The following GPHN variants were observed in gnomAD, a reference collection of about 807,000 sequenced individuals.
GPHN encodes gephyrin.
GPHN carries 17 observed loss-of-function variants against 95.5 expected under a neutral mutation model. That is an observed-to-expected ratio of 0.18 (90% CI 0.12 to 0.27). The LOEUF (loss-of-function observed/expected upper bound fraction) is 0.27, where lower values mean the gene tolerates loss of function less well. Ranked by LOEUF, GPHN falls within the 10% of genes least tolerant of loss-of-function variation. The pLI, the probability that GPHN is intolerant of heterozygous loss-of-function variation, is 1.00. For synonymous variants in GPHN, 320 were observed against 322.5 expected, an observed-to-expected ratio of 0.99 and a Z score of 0.08; for missense variants, 660 against 978.1, an observed-to-expected ratio of 0.67 and a Z score of 4.34.
chr14:67,521,502 T>C, the GPHN span, among the ~76,000 whole-genome samples: 1 of 152,196 alleles, frequency 6.6e-6, no homozygotes, highest in South Asian at 2.1e-4. Context: ...CATAGAAGTC[T>C]TAAAATAAAG....
At chr14:67,231,588 A>C in the GPHN span, among the ~76,000 whole-genome samples, 85 of 152,236 alleles carry the variant, frequency 5.6e-4, no homozygotes, top group Non-Finnish European at 7.6e-4. Flanking sequence ...TAAATATTCT[A>C]TCTCCTGATT....
chr14:66,709,561 A>G (rs966340407), intron 2 of GPHN: 1 of 362,466 alleles, frequency 2.8e-6, no homozygotes, highest in African/African-American at 2.1e-5. Context: ...AAATTTCATC[A>G]TACTCCTCAG....
the GPHN span, among the ~76,000 whole-genome samples, chr14:67,701,177 G>A: frequency 1.2e-4 from 19 of 152,014 alleles, no homozygotes; most frequent in Admixed American, 5.2e-4. Flanking sequence ...CATGTGCAGC[G>A]AGGTATAGCA....
chr14:67,650,641 T>C, the GPHN span: 1 of 1,387,492 alleles, frequency 7.2e-7, no homozygotes, highest in Non-Finnish European at 1.0e-6. Flanking sequence ...TTGTTCTCCC[T>C]GTCCCAGTGG....
chr14:67,178,080 A>G (rs1187645140), intron 21 of GPHN, among the ~76,000 whole-genome samples: 2 of 152,134 alleles, frequency 1.3e-5, no homozygotes, highest in Non-Finnish European at 2.9e-5. Context: ...TAATATTGTT[A>G]TGTGTGAATT....
At chr14:66,771,455 C>T (rs1327062166) in intron 2 of GPHN, among the ~76,000 whole-genome samples, 1 of 152,090 alleles carries the variant, frequency 6.6e-6, no homozygotes, top group Admixed American at 6.5e-5. Flanking sequence ...AGAACTCGCT[C>T]GACCAGTTAC....
the GPHN span, among the ~76,000 whole-genome samples, chr14:67,272,718 G>T: frequency 1.9e-4 from 29 of 152,262 alleles, 2 homozygotes; most frequent in African/African-American, 6.5e-4. Flanking sequence ...GAGCGCAGTG[G>T]CACGATCTTG....
chr14:67,417,978 G>A, the GPHN span, among the ~76,000 whole-genome samples: 29 of 152,010 alleles, frequency 1.9e-4, no homozygotes, highest in Non-Finnish European at 1.9e-4. Flanking sequence ...ACTCCTGGGC[G>A]CAAGTGATCC....
the GPHN span, chr14:67,392,871 C>A: frequency 1.3e-6 from 2 of 1,590,568 alleles, no homozygotes; most frequent in South Asian, 2.3e-5. Context: ...CAGCACCAGT[C>A]AGGCGATGGG....
At chr14:67,609,259 CAG>C in the GPHN span, among the ~76,000 whole-genome samples, 7 of 152,138 alleles carry the variant, frequency 4.6e-5, no homozygotes, top group African/African-American at 9.7e-5. Context: ...TCACAGAACT[CAG>C]GGGAATACTT....
At chr14:66,586,335 G>T (rs1476450805) in intron 1 of GPHN, among the ~76,000 whole-genome samples, 7 of 152,098 alleles carry the variant, frequency 4.6e-5, no homozygotes, top group Non-Finnish European at 8.8e-5. Context: ...TCTTGACTCT[G>T]TATCCAGTTT....
At chr14:67,645,559 T>C in the GPHN span, 1 of 1,480,902 alleles carries the variant, frequency 6.8e-7, no homozygotes, top group Non-Finnish European at 9.2e-7. Context: ...GTGGAGAGAG[T>C]ATAAGTTGTT....
the GPHN span, among the ~76,000 whole-genome samples, chr14:67,356,244 A>AC: frequency 6.6e-6 from 1 of 151,980 alleles, no homozygotes; most frequent in South Asian, 2.1e-4. Context: ...ACATAGTGAA[A>AC]CCCCATCTCT....
At chr14:67,085,266 A>G (rs1335645034) in intron 11 of GPHN, among the ~76,000 whole-genome samples, 1 of 152,256 alleles carries the variant, frequency 6.6e-6, no homozygotes, top group Non-Finnish European at 1.5e-5. Context: ...GGAACCTTCC[A>G]GAATGGAATT....
intron 2 of GPHN, among the ~76,000 whole-genome samples, chr14:66,698,316 G>T (rs538664117): frequency 1.3e-5 from 2 of 152,012 alleles, no homozygotes; most frequent in Admixed American, 6.6e-5. Context: ...TTTGCTTCTG[G>T]TCTGTCACTA....
chr14:66,514,419 C>T (rs1373932879), intron 1 of GPHN, among the ~76,000 whole-genome samples: 1 of 151,956 alleles, frequency 6.6e-6, no homozygotes, highest in African/African-American at 2.4e-5. Flanking sequence ...GTTTTGTAAC[C>T]TTCAGTATAT....
In GPHN at chr14:66,816,329, C is replaced by T. The variant is rs534389752; in HGVS notation, c.202-8145C>T. The stretch of plus-strand genomic sequence containing the variant: ...TGATAGATATCTACAGAACTCTCCA[C>T]GTAAAAACAACAGAATTTACATTCT... On this transcript the variant is annotated intron_variant, in intron 3 of 22. Coordinates refer to ENST00000478722, the MANE Select transcript of GPHN (RefSeq NM_020806.5). Among the ~76,000 whole-genome samples the T allele has an allele frequency of 1.4e-4, 22 of 152,254 alleles. No homozygotes were observed. In the South Asian group the frequency reaches 1.9e-3, roughly 13 times the overall value.
chr14:67,049,808 G>C (rs2075223617), intron 10 of GPHN, among the ~76,000 whole-genome samples: 2 of 152,310 alleles, frequency 1.3e-5, no homozygotes, highest in South Asian at 4.1e-4. Context: ...ACCGCGCCCG[G>C]CTGAAGTAGG....
At chr14:67,376,681 G>A in the GPHN span, 1 of 1,373,386 alleles carries the variant, frequency 7.3e-7, no homozygotes, top group Middle Eastern at 2.3e-4. Context: ...TAAAATACTT[G>A]CCAAATTTAG....
Sources: allele counts gnomAD v4.1 joint callset (sites outside exome capture counted in the v4.1 genomes callset), GRCh38; gene constraint gnomAD v4.1.1; transcripts MANE v1.5; gene names NCBI Gene and HGNC (gene_info 2026-07-23, HGNC 2026-07-21).